Variants in ATP8A2 observed in about 807,000 individuals in gnomAD.
ATP8A2 encodes ATPase phospholipid transporting 8A2.
ATP8A2 carries 100 observed loss-of-function variants against 165.6 expected under a neutral mutation model. That is an observed-to-expected ratio of 0.60 (90% CI 0.51 to 0.71). ATP8A2 has a LOEUF of 0.71. Ranked by LOEUF, ATP8A2 falls within the 30% of genes least tolerant of loss-of-function variation. The pLI is 0.00. For synonymous variants in ATP8A2, 543 were observed against 548.8 expected, an observed-to-expected ratio of 0.99 and a Z score of 0.15; for missense variants, 1,227 against 1,479.5, an observed-to-expected ratio of 0.83 and a Z score of 2.80.
At chr13:25,522,358 G>C (rs953796473) in intron 2 of ATP8A2, among the ~76,000 whole-genome samples, 15 of 152,114 alleles carry the variant, frequency 9.9e-5, no homozygotes, top group Non-Finnish European at 1.9e-4. Flanking sequence ...TGTGAACAAG[G>C]CTAATTTGAC....
chr13:26,002,628 G>A (rs1049735116), intron 35 of ATP8A2, among the ~76,000 whole-genome samples: 6 of 148,916 alleles, frequency 4.0e-5, no homozygotes, highest in East Asian at 2.0e-4. Flanking sequence ...CCAACAGCTC[G>A]TCATTCCCTC....
At chr13:25,745,459 G>C (rs1219980210) in intron 25 of ATP8A2, among the ~76,000 whole-genome samples, 1 of 152,166 alleles carries the variant, frequency 6.6e-6, no homozygotes, top group Non-Finnish European at 1.5e-5. Context: ...TTTATGTCCT[G>C]TTTTGGTTCC....
At chr13:25,661,006 A>G (rs2042038796) in intron 24 of ATP8A2, among the ~76,000 whole-genome samples, 1 of 152,162 alleles carries the variant, frequency 6.6e-6, no homozygotes, top group African/African-American at 2.4e-5. Context: ...GAAGTTACAG[A>G]TATAGGGGAT....
chr13:25,952,408 G>A (rs79074468), intron 33 of ATP8A2, among the ~76,000 whole-genome samples: 3 of 151,184 alleles, frequency 2.0e-5, no homozygotes, highest in Non-Finnish European at 4.4e-5. Flanking sequence ...TCCCAGATAG[G>A]GTCACTCTGT....
At chr13:25,460,196 G>A (rs759527487) in intron 1 of ATP8A2, among the ~76,000 whole-genome samples, 2 of 152,154 alleles carry the variant, frequency 1.3e-5, no homozygotes, top group Non-Finnish European at 2.9e-5. Flanking sequence ...GTGAGACTCC[G>A]TCTCAAACAA....
At chr13:25,951,636 G>A (rs972407961) in intron 33 of ATP8A2, among the ~76,000 whole-genome samples, 2 of 152,132 alleles carry the variant, frequency 1.3e-5, no homozygotes, top group African/African-American at 4.8e-5. Flanking sequence ...TAACCCCCAG[G>A]AAGCATTGCC....
At chr13:25,957,867 A>G (rs1955562150) in intron 33 of ATP8A2, among the ~76,000 whole-genome samples, 2 of 152,218 alleles carry the variant, frequency 1.3e-5, no homozygotes, top group Non-Finnish European at 2.9e-5. Flanking sequence ...AACCAACCCA[A>G]ATGCCCATCA....
intron 27 of ATP8A2, among the ~76,000 whole-genome samples, chr13:25,817,552 C>T (rs992215983): frequency 9.2e-5 from 14 of 152,176 alleles, no homozygotes; most frequent in South Asian, 2.1e-4. Flanking sequence ...GGGATTTTAA[C>T]GGAAAAGAAA....
Position 25,564,041 on chromosome 13 carries a change from CTG to C in ATP8A2, c.1473+12_1473+13del, listed in dbSNP as rs2039241182. ...CATTGAGGATCGCCATGTAAGTGCT[CTG>C]TTTTACTTCGAAGACAGCAAACAGC... On this transcript the variant is annotated intron_variant, in intron 16 of 36. Transcript: ENST00000381655. 6.2e-7 allele frequency: 1 copy of C among 1,601,300 alleles called. No homozygotes were observed. The highest frequency in any genetic ancestry group is 1.7e-5 in the Admixed American group (1 of 59,994).
At chr13:25,960,737 C>G (rs1216180175) in intron 33 of ATP8A2, among the ~76,000 whole-genome samples, 1 of 152,166 alleles carries the variant, frequency 6.6e-6, no homozygotes, top group Non-Finnish European at 1.5e-5. Context: ...GCCCTAAGTT[C>G]TCTTTTCAAC....
rs75127093 is a variant in ATP8A2 at position 25,934,711 on chromosome 13, T to A, written c.3184-26864T>A. 6.5e-3 allele frequency among the ~76,000 whole-genome samples: 997 copies of A among 152,238 alleles called. 11 individuals carry two copies. The highest frequency in any genetic ancestry group is 0.023 in the African/African-American group (953 of 41,552). On this transcript the variant is annotated intron_variant, in intron 33 of 36. Coordinates refer to ENST00000381655, the MANE Select transcript of ATP8A2 (RefSeq NM_016529.6). ...ACGGGAGGGAGCAGACCATTCTACC[T>A]GGAGAAGCTCAGGCAGTGTTCTTTC...
intron 24 of ATP8A2, among the ~76,000 whole-genome samples, chr13:25,671,638 T>A (rs1311466388): frequency 6.6e-6 from 1 of 152,228 alleles, no homozygotes; most frequent in East Asian, 1.9e-4. Context: ...CCAGGCTTAT[T>A]AGGAAGAGGA....
intron 24 of ATP8A2, among the ~76,000 whole-genome samples, chr13:25,623,692 G>T (rs1381857988): frequency 6.6e-6 from 1 of 152,066 alleles, no homozygotes; most frequent in Non-Finnish European, 1.5e-5. Context: ...GGACATGGGA[G>T]AATTTTATCC....
In ATP8A2 at chr13:25,530,035, A is replaced by T; in HGVS notation, c.258A>T (p.Arg86=). 2 of 1,612,870 alleles carry T rather than the reference A, an allele frequency of 1.2e-6. No homozygotes were observed. Among genetic ancestry groups the T allele is most frequent in the Non-Finnish European group, 1.7e-6 (2 of 1,179,160 alleles). The change falls in exon 3 of 37, where the codon CGA becomes CGT. Residue 86 remains arginine, a synonymous_variant. Transcript: ENST00000381655. ...AKYSVLTFLP[R]FLYEQIRRAA... ...ACAGCGTGTTGACATTTCTACCTCG[A>T]TTCTTGTATGAGCAGATTAGAAGAG...
At position 25,453,951 on chromosome 13, in the gene ATP8A2, G is replaced by A. The variant is rs17082329; in HGVS notation, c.77-15026G>A. On this transcript the variant is annotated intron_variant, in intron 1 of 36. Transcript: ENST00000381655. ...TTTCCTTGTTTAGATACAAGCTATGGGTTTCACTGATGAGTGGGGAGGGCT... is the reference window on the plus strand; with the variant it reads ...TTTCCTTGTTTAGATACAAGCTATGAGTTTCACTGATGAGTGGGGAGGGCT... Among the ~76,000 whole-genome samples the A allele has an allele frequency of 8.6e-3, 1,310 of 152,262 alleles. 22 individuals carry two copies. Among genetic ancestry groups the A allele is most frequent in the African/African-American group, 0.029 (1,213 of 41,560 alleles).
rs1340917895 is a variant in ATP8A2 at position 26,021,737 on chromosome 13, G to A, written c.*1752G>A. The A allele has an allele frequency of 1.3e-5, 2 of 152,092 alleles. No individual in the cohort carries two copies. The highest frequency in any genetic ancestry group is 4.8e-5 in the African/African-American group (2 of 41,402). 9.4% of individuals were successfully genotyped at this position (152,092 alleles called of 1,614,324 possible). Reference sequence around the variant, plus strand: ...AGCATGTTTTGGATTTTCACTGTGGGGAAATGAATGAATTTATCACATGAC... The same window carrying A: ...AGCATGTTTTGGATTTTCACTGTGGAGAAATGAATGAATTTATCACATGAC... On this transcript the variant is annotated 3_prime_UTR_variant, in exon 37 of 37. Coordinates refer to ENST00000381655, the MANE Select transcript of ATP8A2 (RefSeq NM_016529.6).
intron 24 of ATP8A2, among the ~76,000 whole-genome samples, chr13:25,679,388 T>C (rs1340916927): frequency 6.6e-6 from 1 of 152,198 alleles, no homozygotes. Context: ...CAGAATGTTA[T>C]CACCCAGGCA....
rs1479265535 is a variant in ATP8A2 at position 25,553,845 on chromosome 13, C to G, written c.1110C>G (p.Tyr370Ter). ...ACCTACTGACGTTCATCATCTTATA[C>G]AACAATCTTATTCCCATCAGTCTGT... ...GYNLLTFIILYNNLIPISLLV... is the reference protein window; with the variant it reads ...GYNLLTFIIL The change falls in exon 12 of 37, where the codon TAC becomes TAG. Residue 370 changes from tyrosine to a stop codon, truncating the protein, a stop_gained. Coordinates refer to ENST00000381655, the MANE Select transcript of ATP8A2 (RefSeq NM_016529.6). LOFTEE classifies it high-confidence loss of function. The G allele has an allele frequency of 6.2e-7, 1 of 1,613,330 alleles. No homozygotes were observed. The highest frequency in any genetic ancestry group is 1.7e-5 in the Admixed American group (1 of 60,016).
chr13:25,380,521 T>G (rs1266132555), intron 1 of ATP8A2, among the ~76,000 whole-genome samples: 1 of 152,180 alleles, frequency 6.6e-6, no homozygotes, highest in Non-Finnish European at 1.5e-5. Flanking sequence ...TTCATAATGT[T>G]TTCTGTTTAT....
Sources: gnomAD v4.1 joint callset for allele counts (sites outside exome capture counted in the v4.1 genomes callset) on GRCh38, gnomAD v4.1.1 for gene constraint, MANE v1.5 for transcripts, NCBI Gene and HGNC (gene_info 2026-07-23, HGNC 2026-07-21) for gene names.